LRP2: variants seen among roughly 807,000 people sequenced by gnomAD.
The protein encoded by LRP2 is low-density lipoprotein receptor-related protein 2.
LRP2 carries 172 observed loss-of-function variants against 531.0 expected under a neutral mutation model. That is an observed-to-expected ratio of 0.32 (90% CI 0.29 to 0.37). The LOEUF (loss-of-function observed/expected upper bound fraction) is 0.37, where lower values mean the gene tolerates loss of function less well. LRP2 is among the 10% of genes least tolerant of loss of function. The pLI, the probability that LRP2 is intolerant of heterozygous loss-of-function variation, is 1.00. For missense variants in LRP2, 5,167 were observed against 5,868.3 expected (o/e 0.88, Z 3.90); for synonymous variants, 1,992 against 2,027.6 (o/e 0.98, Z 0.47).
rs1351869381 is a variant in LRP2 at position 169,196,992 on chromosome 2, A to G, written c.8617T>C (p.Ser2873Pro). ...TCSSSEFQCA[S>P]GRCIPQHWYC... is the part of the protein sequence containing the mutation. Reference sequence around the variant, plus strand: ...CAATGTTGAGGAATACAGCGCCCAGATGCGCATTGGAACTCACTGCTGCTG... The same window carrying G: ...CAATGTTGAGGAATACAGCGCCCAGGTGCGCATTGGAACTCACTGCTGCTG... Residue 2873 changes from serine to proline, a missense_variant, in exon 46 of 79, where the codon TCT becomes CCT. This residue lies in a region of LRP2 where 1,129 missense variants were observed against 1,362.7 expected (regional missense o/e 0.83). Coordinates refer to ENST00000649046, the MANE Select transcript of LRP2 (RefSeq NM_004525.3). The G allele has an allele frequency of 1.9e-6, 3 of 1,614,160 alleles. No individual in the cohort carries two copies.
rs2105348856 is a variant in LRP2, at chr2:169,147,047, C to T, written c.12591-88G>A. On this transcript the variant is annotated intron_variant, in intron 68 of 78. Transcript: ENST00000649046. ...GCACAGGGCATTACCTACAGGGAAACCAACTGTTTATCTCAGGGACCTGGG... is the reference window on the plus strand; with the variant it reads ...GCACAGGGCATTACCTACAGGGAAATCAACTGTTTATCTCAGGGACCTGGG... The T allele has an allele frequency of 4.9e-6, 5 of 1,026,326 alleles. No individual in the cohort carries two copies. The Middle Eastern group carries it at 8.1e-4, about 166-fold the overall frequency. The allele number at this position is 1,026,326 out of a possible 1,614,324, so 63.6% of individuals were successfully genotyped here. A position where few individuals can be genotyped will look rare whatever the true frequency, so the allele number is the denominator to read the frequency against.
chr2:169,299,113 AAG>A (rs1684210085), intron 4 of LRP2, among the ~76,000 whole-genome samples: 2 of 92,684 alleles, frequency 2.2e-5, no homozygotes, highest in Admixed American at 1.2e-4. Flanking sequence ...GAAAGAAAGA[AAG>A]AAAGAAAGAA....
rs1177025939 is a variant in LRP2, at chr2:169,169,695, G to C, written c.11497+7C>G. ...AAGCAGTACTACATATGTGTCTAGG[G>C]ACTTACGACAATCAGCTTCATCAGA... is the stretch of plus-strand genomic sequence containing the variant. On this transcript the variant is annotated splice_region_variant and intron_variant, in intron 60 of 78. Transcript: ENST00000649046. 6.2e-7 allele frequency: 1 copy of C among 1,610,482 alleles called. No individual in the cohort carries two copies.
intron 31 of LRP2, among the ~76,000 whole-genome samples, chr2:169,230,257 C>T (rs1689351642): frequency 6.6e-6 from 1 of 152,218 alleles, no homozygotes; most frequent in South Asian, 2.1e-4. Flanking sequence ...TCCTGAAAGA[C>T]TCTAGGAACA....
At chr2:169,236,136 A>T (rs892246128) in intron 28 of LRP2, 68 bp from the exon 29 acceptor site, 7 of 1,115,438 alleles carry the variant, frequency 6.3e-6, no homozygotes, top group African/African-American at 3.1e-5. Context: ...TGTCATTTTA[A>T]ATAATACAAC....
chr2:169,271,171 C>A, intron 15 of LRP2, 64 bp from the exon 16 acceptor site: 1 of 1,012,990 alleles, frequency 9.9e-7, no homozygotes, highest in Non-Finnish European at 1.5e-6. Context: ...TCCCAAATTC[C>A]AGATAAATGC....
intron 3 of LRP2, among the ~76,000 whole-genome samples, chr2:169,313,693 T>A (rs1351519864): frequency 6.6e-6 from 1 of 152,102 alleles, no homozygotes; most frequent in Non-Finnish European, 1.5e-5. Flanking sequence ...CATTCTCAGA[T>A]CTCAAACTCT....
intron 4 of LRP2, among the ~76,000 whole-genome samples, chr2:169,303,756 G>C (rs1684343363): frequency 6.6e-6 from 1 of 151,968 alleles, no homozygotes; most frequent in Non-Finnish European, 1.5e-5. Flanking sequence ...AGGAAAGAAT[G>C]CCTCACTGCA....
At chr2:169,311,210 C>T (rs1051557802) in intron 3 of LRP2, among the ~76,000 whole-genome samples, 1 of 152,120 alleles carries the variant, frequency 6.6e-6, no homozygotes, top group African/African-American at 2.4e-5. Context: ...TTCAGTTCTG[C>T]TCTGATCTTA....
At chr2:169,306,361 C>T (rs1172420885) in intron 4 of LRP2, among the ~76,000 whole-genome samples, 25 of 152,014 alleles carry the variant, frequency 1.6e-4, no homozygotes, top group Admixed American at 1.6e-3. Flanking sequence ...TGGTGAAATG[C>T]CATCTCTACT....
intron 9 of LRP2, among the ~76,000 whole-genome samples, chr2:169,284,099 C>G (rs911500247): frequency 1.3e-5 from 2 of 151,990 alleles, no homozygotes; most frequent in Non-Finnish European, 2.9e-5. Flanking sequence ...ACTGCACTCC[C>G]AAGTCTAGAA....
intron 26 of LRP2, among the ~76,000 whole-genome samples, chr2:169,238,697 C>A (rs189073001): frequency 1.8e-4 from 28 of 152,146 alleles, no homozygotes; most frequent in Admixed American, 1.2e-3. Flanking sequence ...TTTTCTGAGG[C>A]CCTCAGCTAT....
At chr2:169,294,009 ATCTGCCATCAAACGTAGTGACTCT>A (rs2105471986) in intron 6 of LRP2, 115 bp downstream of exon 6, 1 of 720,984 alleles carries the variant, frequency 1.4e-6, no homozygotes, top group East Asian at 2.7e-5. Context: ...GTCTGATTCC[ATCTGCCATCAAACGTAGTGACTCT>A]TCTCCTTGAA....
intron 63 of LRP2, among the ~76,000 whole-genome samples, chr2:169,157,869 T>C: frequency 6.6e-6 from 1 of 150,700 alleles, no homozygotes; most frequent in South Asian, 2.1e-4. Context: ...GATAGATCAA[T>C]AGATAGATAG....
chr2:169,182,672 A>G (rs909748324), intron 50 of LRP2: 2 of 984,070 alleles, frequency 2.0e-6, no homozygotes, highest in Admixed American at 1.2e-4. Context: ...GAGTATCATG[A>G]ATTACAGTTT....
chr2:169,173,320 AC>A, intron 56 of LRP2, 96 bp from the exon 57 acceptor site: 1 of 1,469,020 alleles, frequency 6.8e-7, no homozygotes, highest in African/African-American at 1.4e-5. Context: ...AATAACAATG[AC>A]CATGTTACCA....
At chr2:169,184,085 T>G (rs575103894) in intron 50 of LRP2, among the ~76,000 whole-genome samples, 1 of 152,058 alleles carries the variant, frequency 6.6e-6, no homozygotes, top group South Asian at 2.1e-4. Flanking sequence ...AGAGAGGAAA[T>G]AGCTGAAATC....
chr2:169,191,535 T>C (rs1687827894), intron 48 of LRP2, among the ~76,000 whole-genome samples: 1 of 151,990 alleles, frequency 6.6e-6, no homozygotes, highest in Non-Finnish European at 1.5e-5. Flanking sequence ...AAAAATTATA[T>C]TTAATTTTAA....
chr2:169,216,871 A>G (rs1336824702), intron 34 of LRP2, among the ~76,000 whole-genome samples: 1 of 152,194 alleles, frequency 6.6e-6, no homozygotes, highest in Non-Finnish European at 1.5e-5. Context: ...CATCTACCAC[A>G]AGACCGGCTA....
Sources: allele counts gnomAD v4.1 joint callset (sites outside exome capture counted in the v4.1 genomes callset), GRCh38; gene constraint gnomAD v4.1.1; regional missense constraint gnomAD v4.1.1; transcripts MANE v1.5; gene names NCBI Gene and HGNC (gene_info 2026-07-23, HGNC 2026-07-21).